RBFOX1: variants seen among roughly 807,000 people sequenced by gnomAD.
The protein encoded by RBFOX1 is RNA binding fox-1 homolog 1, also known as RNA binding protein fox-1 homolog 1.
A neutral mutation model predicts 57.7 loss-of-function variants in RBFOX1; 8 were observed. That is an observed-to-expected ratio of 0.14 (90% CI 0.08 to 0.25). The LOEUF (loss-of-function observed/expected upper bound fraction) is 0.25, where lower values mean the gene tolerates loss of function less well. Among genes scored for constraint, RBFOX1 ranks in the 10% least tolerant of loss-of-function variants. RBFOX1 has a pLI of 1.00. For missense variants in RBFOX1, 611 were observed against 548.5 expected, an observed-to-expected ratio of 1.11 and a Z score of -1.14; for synonymous variants, 326 against 222.4, an observed-to-expected ratio of 1.47 and a Z score of -4.15.
intron 3 of RBFOX1, among the ~76,000 whole-genome samples, chr16:6,847,054 C>A (rs1442553062): frequency 6.6e-6 from 1 of 152,120 alleles, no homozygotes; most frequent in African/African-American, 2.4e-5. Flanking sequence ...TCATTTCTGC[C>A]TCTCTTGTAA....
chr16:6,876,889 C>G (rs951573801), intron 3 of RBFOX1, among the ~76,000 whole-genome samples: 1 of 152,102 alleles, frequency 6.6e-6, no homozygotes, highest in African/African-American at 2.4e-5. Flanking sequence ...TGCAAAAGTG[C>G]TTTTAGCCCA....
chr16:5,636,382 A>C (rs903088150), intron 3 of RBFOX1, among the ~76,000 whole-genome samples: 1 of 152,190 alleles, frequency 6.6e-6, no homozygotes, highest in Non-Finnish European at 1.5e-5. Context: ...TAAAAAACCT[A>C]TTTAATAACC....
At chr16:7,408,659 C>G (rs752121944) in intron 4 of RBFOX1, among the ~76,000 whole-genome samples, 2 of 152,222 alleles carry the variant, frequency 1.3e-5, no homozygotes, top group Non-Finnish European at 2.9e-5. Flanking sequence ...CAGCACGTTT[C>G]TCCACCATTG....
chr16:5,690,724 ACGTTGGGGTGAGGGGCG>A (rs2050649037), intron 3 of RBFOX1, among the ~76,000 whole-genome samples: 1 of 152,130 alleles, frequency 6.6e-6, no homozygotes, highest in Admixed American at 6.6e-5. Flanking sequence ...AAGGAAACTG[ACGTTGGGGTGAGGGGCG>A]CGTATGTCTT....
chr16:5,840,044 A>AG lies in RBFOX1; in HGVS notation c.319-27257dup, dbSNP rs1323563239. ...TGCTAGACTCTGGAAGTAGTGACCA[A>AG]GGCACTCATAATCCATTGTTGACAG... is the stretch of plus-strand genomic sequence containing the variant. On this transcript the variant is annotated intron_variant, in intron 3 of 19. Transcript: ENST00000641259. 9.8e-5 allele frequency among the ~76,000 whole-genome samples: 15 copies of AG among 152,300 alleles called. 1 individual carries two copies. In the South Asian group the frequency reaches 2.7e-3, roughly 27 times the overall value.
At chr16:5,769,949 A>G (rs1439036548) in intron 3 of RBFOX1, among the ~76,000 whole-genome samples, 1 of 152,188 alleles carries the variant, frequency 6.6e-6, no homozygotes, top group Non-Finnish European at 1.5e-5. Context: ...TTAGGCTCTC[A>G]GTATAGGTAT....
chr16:7,453,508 G>A (rs1448280587), intron 4 of RBFOX1, among the ~76,000 whole-genome samples: 1 of 152,188 alleles, frequency 6.6e-6, no homozygotes, highest in Non-Finnish European at 1.5e-5. Context: ...AAAAGGACGA[G>A]CAGGGGCTGG....
At chr16:7,417,195 C>T (rs946225684) in intron 4 of RBFOX1, among the ~76,000 whole-genome samples, 10 of 151,934 alleles carry the variant, frequency 6.6e-5, no homozygotes, top group African/African-American at 2.2e-4. Flanking sequence ...CATGGTGAAA[C>T]CCCATCTCTA....
At chr16:5,651,380 C>A (rs1596592091) in intron 3 of RBFOX1, among the ~76,000 whole-genome samples, 1 of 152,166 alleles carries the variant, frequency 6.6e-6, no homozygotes, top group East Asian at 1.9e-4. Flanking sequence ...CACAGCCATT[C>A]CTGGAGCAAC....
At chr16:6,983,651 A>G (rs556417802) in intron 3 of RBFOX1, 25 of 152,322 alleles carry the variant, frequency 1.6e-4, no homozygotes, top group African/African-American at 6.0e-4. Context: ...TTAATTATAA[A>G]TCTCTTGGGA....
At chr16:5,385,138 A>G (rs926603740) in intron 1 of RBFOX1, among the ~76,000 whole-genome samples, 3 of 152,198 alleles carry the variant, frequency 2.0e-5, no homozygotes, top group African/African-American at 7.2e-5. Flanking sequence ...TGTGCTTACC[A>G]GGGGCCAGGC....
At chr16:7,342,093 C>T (rs1188739021) in intron 4 of RBFOX1, among the ~76,000 whole-genome samples, 1 of 152,088 alleles carries the variant, frequency 6.6e-6, no homozygotes, top group African/African-American at 2.4e-5. Flanking sequence ...TTTCCTGAGG[C>T]AGCACAGTTA....
chr16:6,976,132 G>C (rs2086786095), intron 3 of RBFOX1, among the ~76,000 whole-genome samples: 1 of 116,156 alleles, frequency 8.6e-6, no homozygotes, highest in Non-Finnish European at 2.2e-5. Context: ...GTCTCAAAAA[G>C]GAAAAAGAAA....
At chr16:6,182,320 A>C (rs1400366530) in intron 1 of RBFOX1, among the ~76,000 whole-genome samples, 1 of 152,108 alleles carries the variant, frequency 6.6e-6, no homozygotes, top group African/African-American at 2.4e-5. Context: ...CACTTTCATA[A>C]AGTGTTGCTT....
chr16:6,672,472 A>AAAG (rs1229571077), intron 3 of RBFOX1, among the ~76,000 whole-genome samples: 1 of 151,716 alleles, frequency 6.6e-6, no homozygotes, highest in African/African-American at 2.4e-5. Context: ...GGAAAGAAGG[A>AAAG]AAGAAAAAAG....
At chr16:5,969,325 G>GTTTTTTTTTTTTTTTTTTTTTTTTTTTTT (rs1392384342) in intron 4 of RBFOX1, among the ~76,000 whole-genome samples, 5 of 120,648 alleles carry the variant, frequency 4.1e-5, no homozygotes, top group African/African-American at 9.4e-5. Flanking sequence ...TTTTTTTTTG[G>GTTTTTTTTTTTTTTTTTTTTTTTTTTTTT]TTTGGAAATG....
chr16:6,316,045 C>G (rs981219793), intron 1 of RBFOX1, among the ~76,000 whole-genome samples: 5 of 152,138 alleles, frequency 3.3e-5, no homozygotes, highest in African/African-American at 1.2e-4. Context: ...TTTGTTGAGT[C>G]TTGGCGTAAA....
At chr16:7,421,233 CAA>C (rs930694400) in intron 4 of RBFOX1, among the ~76,000 whole-genome samples, 3 of 142,900 alleles carry the variant, frequency 2.1e-5, no homozygotes, top group African/African-American at 5.2e-5. Flanking sequence ...GGCAGAAAGA[CAA>C]AGAGAGAGAG....
intron 1 of RBFOX1, among the ~76,000 whole-genome samples, chr16:6,062,659 C>A (rs77525522): frequency 1.4e-5 from 1 of 69,642 alleles, no homozygotes; most frequent in African/African-American, 5.3e-5. Context: ...CTATATGTAT[C>A]TATACATAGA....
Sources: allele counts gnomAD v4.1 joint callset (sites outside exome capture counted in the v4.1 genomes callset), GRCh38; gene constraint gnomAD v4.1.1; transcripts MANE v1.5; gene names NCBI Gene and HGNC (gene_info 2026-07-23, HGNC 2026-07-21).